The following IFT88 variants were observed in gnomAD, a reference collection of about 807,000 sequenced individuals.
The protein encoded by IFT88 is intraflagellar transport 88.
A neutral mutation model predicts 119.5 loss-of-function variants in IFT88; 74 were observed. The observed-to-expected ratio is 0.62, with a 90% CI of 0.51 to 0.75. The LOEUF (loss-of-function observed/expected upper bound fraction) is 0.75. IFT88 is among the 30% of genes least tolerant of loss of function. The probability of loss-of-function intolerance (pLI) is 0.00; values close to 1 mark genes in which losing one functional copy is unlikely to be tolerated. For synonymous variants in IFT88, 279 were observed against 316.7 expected, an observed-to-expected ratio of 0.88 and a Z score of 1.26; for missense variants, 961 against 977.7, an observed-to-expected ratio of 0.98 and a Z score of 0.23.
At position 20,666,845 on chromosome 13, in the gene IFT88, C is replaced by T. The variant is rs78587568; in HGVS notation, c.2175+3241C>T. Among the ~76,000 whole-genome samples the T allele has an allele frequency of 7.1e-3, 1,087 of 152,268 alleles. 16 individuals are homozygous for T. The highest frequency in any genetic ancestry group is 0.025 in the African/African-American group (1,026 of 41,540). ...AAGAAAAAAGTGAAAATCACCTATC[C>T]CACCACTTAGACATCACTGTTATCA... On this transcript the variant is annotated intron_variant, in intron 23 of 25. Transcript: ENST00000351808.
intron 16 of IFT88, among the ~76,000 whole-genome samples, chr13:20,635,089 G>A (rs189286373): frequency 5.1e-4 from 77 of 151,748 alleles, no homozygotes; most frequent in African/African-American, 1.8e-3. Flanking sequence ...TGAGAATGAT[G>A]GTTTCCAGCT....
In IFT88 at chr13:20,620,658, C is replaced by T. The variant is rs373891108; in HGVS notation, c.1199+4779C>T. Among the ~76,000 whole-genome samples, 366 of 151,962 alleles carry T rather than the reference C, an allele frequency of 2.4e-3. 1 individual carries two copies. Among genetic ancestry groups the T allele is most frequent in the South Asian group, 0.017 (82 of 4,812 alleles). On this transcript the variant is annotated intron_variant, in intron 14 of 25. Transcript: ENST00000351808. ...TCGGCTCACTGCAACCTCCACCTCCCGGGTTCAGGCAATTTCCCTGCCTCA... is the reference window on the plus strand; with the variant it reads ...TCGGCTCACTGCAACCTCCACCTCCTGGGTTCAGGCAATTTCCCTGCCTCA...
In IFT88 at chr13:20,642,150, A is replaced by G. The variant is rs1044231975; in HGVS notation, c.1682+752A>G. 3 of 152,192 alleles carry G rather than the reference A, an allele frequency of 2.0e-5. No homozygotes were observed. The East Asian group carries it at 5.8e-4, about 29-fold the overall frequency. The allele number at this position is 152,192 out of a possible 1,614,324, so 9.4% of individuals were successfully genotyped here. ...TATTTTGGTAAGCTTTGGCCACAAC[A>G]TTGGGAAGAGTTAAACATCTTAGGT... On this transcript the variant is annotated intron_variant, in intron 18 of 25. Coordinates refer to ENST00000351808, the MANE Select transcript of IFT88 (RefSeq NM_006531.5).
chr13:20,608,945 T>C (rs2043990467), intron 13 of IFT88, among the ~76,000 whole-genome samples: 3 of 152,276 alleles, frequency 2.0e-5, no homozygotes, highest in East Asian at 3.9e-4. Flanking sequence ...CGAGAAATCA[T>C]GTTCAGTATT....
intron 3 of IFT88, among the ~76,000 whole-genome samples, chr13:20,585,132 T>G (rs1359378832): frequency 1.3e-5 from 2 of 152,154 alleles, no homozygotes; most frequent in Non-Finnish European, 2.9e-5. Context: ...TCATTTGGGG[T>G]AAATGCATTT....
intron 19 of IFT88, 43 bp downstream of exon 19, chr13:20,643,648 A>C (rs759902154): frequency 1.3e-5 from 18 of 1,402,900 alleles, no homozygotes; most frequent in Non-Finnish European, 1.6e-5. Flanking sequence ...TTAGCATTTT[A>C]TGAATTGTTA....
At chr13:20,587,078 T>C (rs1027784410) in intron 3 of IFT88, among the ~76,000 whole-genome samples, 1 of 152,198 alleles carries the variant, frequency 6.6e-6, no homozygotes, top group African/African-American at 2.4e-5. Flanking sequence ...TATTCTTAGA[T>C]AGGGAACATA....
At chr13:20,608,693 A>G (rs1281055532) in intron 13 of IFT88, among the ~76,000 whole-genome samples, 2 of 152,192 alleles carry the variant, frequency 1.3e-5, no homozygotes, top group Non-Finnish European at 2.9e-5. Flanking sequence ...AGAATCATTC[A>G]AAAACATCCC....
intron 24 of IFT88, among the ~76,000 whole-genome samples, chr13:20,674,724 A>ATTTTT (rs35617736): frequency 1.5e-4 from 11 of 73,792 alleles, no homozygotes; most frequent in East Asian, 9.2e-4. Context: ...ATATATATAT[A>ATTTTT]TTTTTTTTTT....
intron 9 of IFT88, among the ~76,000 whole-genome samples, chr13:20,597,991 A>G (rs1328303937): frequency 6.6e-6 from 1 of 151,950 alleles, no homozygotes; most frequent in African/African-American, 2.4e-5. Context: ...AGCAACATTT[A>G]TTTAATTCTG....
intron 3 of IFT88, among the ~76,000 whole-genome samples, chr13:20,589,159 A>T (rs2040234106): frequency 6.6e-6 from 1 of 152,150 alleles, no homozygotes; most frequent in Non-Finnish European, 1.5e-5. Context: ...CTTAAAAAAA[A>T]ATATTTTGAC....
At chr13:20,661,692 G>T (rs1029915936) in intron 22 of IFT88, among the ~76,000 whole-genome samples, 8 of 151,360 alleles carry the variant, frequency 5.3e-5, no homozygotes, top group African/African-American at 1.7e-4. Flanking sequence ...CTGATATTGC[G>T]CCAGTGCACT....
At chr13:20,592,877 A>G (rs1283135911) in intron 7 of IFT88, among the ~76,000 whole-genome samples, 1 of 150,496 alleles carries the variant, frequency 6.6e-6, no homozygotes, top group East Asian at 2.0e-4. Flanking sequence ...GCAGAGTAGT[A>G]AACAAAAAAT....
In IFT88 at chr13:20,627,933, G is replaced by A. The variant is rs1193503801; in HGVS notation, c.1299+2084G>A. On this transcript the variant is annotated intron_variant, in intron 15 of 25. Transcript: ENST00000351808. ...ATTTTCAAGTTTTTAATATCAATTGGTTTACTGATTTTTTTAAAATGCCAT... is the reference window on the plus strand; with the variant it reads ...ATTTTCAAGTTTTTAATATCAATTGATTTACTGATTTTTTTAAAATGCCAT... 3.3e-5 allele frequency among the ~76,000 whole-genome samples: 5 copies of A among 151,786 alleles called. No individual in the cohort carries two copies. The East Asian group carries it at 9.6e-4, about 29-fold the overall frequency.
At chr13:20,592,022 C>T (rs2040770860) in intron 6 of IFT88, among the ~76,000 whole-genome samples, 1 of 152,032 alleles carries the variant, frequency 6.6e-6, no homozygotes, top group Non-Finnish European at 1.5e-5. Flanking sequence ...AGACATGTGA[C>T]TGATAATTTA....
At chr13:20,572,110 GA>G (rs1221409264) in intron 1 of IFT88, among the ~76,000 whole-genome samples, 1 of 151,966 alleles carries the variant, frequency 6.6e-6, no homozygotes, top group Non-Finnish European at 1.5e-5. Flanking sequence ...AAGGTTTAAA[GA>G]ATTTTATGTT....
At chr13:20,690,954 G>A in intron 25 of IFT88, 100 bp from the exon 26 acceptor site, 1 of 1,462,594 alleles carries the variant, frequency 6.8e-7, no homozygotes, top group Non-Finnish European at 9.5e-7. Context: ...GACCATTTCT[G>A]TTCACTCTGA....
chr13:20,664,614 GACAA>G (rs1402782518), intron 23 of IFT88, among the ~76,000 whole-genome samples: 16 of 152,058 alleles, frequency 1.1e-4, no homozygotes, highest in African/African-American at 2.7e-4. Context: ...AACATTAGCA[GACAA>G]ACAAAGAGGT....
intron 21 of IFT88, among the ~76,000 whole-genome samples, chr13:20,656,016 G>A (rs1176164187): frequency 6.7e-6 from 1 of 149,814 alleles, no homozygotes; most frequent in Admixed American, 6.8e-5. Flanking sequence ...GCTAAGACAC[G>A]AGGATTGTTT....
Sources: allele counts gnomAD v4.1 joint callset (sites outside exome capture counted in the v4.1 genomes callset), GRCh38; gene constraint gnomAD v4.1.1; transcripts MANE v1.5; gene names NCBI Gene and HGNC (gene_info 2026-07-23, HGNC 2026-07-21).